KCNQ3: variants seen among roughly 807,000 people sequenced by gnomAD.
KCNQ3 encodes the protein potassium voltage-gated channel subfamily Q member 3, also known as potassium voltage-gated channel subfamily KQT member 3.
KCNQ3 carries 30 observed loss-of-function variants against 92.5 expected under a neutral mutation model. The observed-to-expected ratio is 0.32, with a 90% confidence interval of 0.24 to 0.44. KCNQ3 has a LOEUF of 0.44. Among genes scored for constraint, KCNQ3 ranks in the 20% least tolerant of loss-of-function variants. KCNQ3 has a pLI of 1.00. For synonymous variants in KCNQ3, 450 were observed against 468.8 expected (o/e 0.96, Z 0.52); for missense variants, 913 against 1,140.3 (o/e 0.80, Z 2.87).
intron 9 of KCNQ3, among the ~76,000 whole-genome samples, chr8:132,142,361 T>G (rs1825323590): frequency 6.6e-6 from 1 of 152,186 alleles, no homozygotes; most frequent in Non-Finnish European, 1.5e-5. Context: ...GTGACCTTTT[T>G]GAGCCTCAGT....
rs759859458 is a variant in KCNQ3 at position 132,129,943 on chromosome 8, G to A, written c.1938C>T (p.His646=). The change falls in exon 15 of 15, where the codon CAC becomes CAT. Residue 646 remains histidine (H), a synonymous_variant. Transcript: ENST00000388996. The surrounding 1 kb of genome is among the most constrained non-coding windows in gnomAD (Gnocchi z 5.9). The stretch of plus-strand genomic sequence containing the variant: ...TGACCTGCACCTGCAACCGTTCCAT[G>A]TGTTGCATGTGCATATCCACGAGGA... The part of the protein sequence containing the change: ...LDFLVDMHMQ[H]MERLQVQVTE... 26 of 1,613,982 alleles carry A rather than the reference G, an allele frequency of 1.6e-5. No homozygotes were observed. Among genetic ancestry groups the A allele is most frequent in the Non-Finnish European group, 2.2e-5 (26 of 1,179,862 alleles).
intron 1 of KCNQ3, among the ~76,000 whole-genome samples, chr8:132,406,288 T>A (rs1820476808): frequency 6.6e-6 from 1 of 152,088 alleles, no homozygotes; most frequent in Non-Finnish European, 1.5e-5. Context: ...TATTAGAAGG[T>A]GGGAAGGAGG....
chr8:132,218,145 A>T (rs1274342404), intron 1 of KCNQ3, among the ~76,000 whole-genome samples: 2 of 152,194 alleles, frequency 1.3e-5, no homozygotes, highest in South Asian at 2.1e-4. Flanking sequence ...CCACGGAGAA[A>T]AAAAAGCTCT....
At chr8:132,140,464 T>C (rs1825254248) in intron 10 of KCNQ3, 3 of 395,574 alleles carry the variant, frequency 7.6e-6, no homozygotes, top group East Asian at 4.9e-5. Flanking sequence ...AGTTCCAGAG[T>C]GGCCCCCAGA....
intron 1 of KCNQ3, among the ~76,000 whole-genome samples, chr8:132,327,012 A>G (rs919342875): frequency 2.0e-5 from 3 of 152,094 alleles, no homozygotes; most frequent in Admixed American, 2.0e-4. Flanking sequence ...TCATGTGTTA[A>G]CCTCCTTCAC....
intron 1 of KCNQ3, among the ~76,000 whole-genome samples, chr8:132,186,930 G>T (rs1175809553): frequency 1.9e-5 from 2 of 105,734 alleles, no homozygotes; most frequent in African/African-American, 8.8e-5. Flanking sequence ...GTGTGTGTGT[G>T]TGTGAGAGAG....
chr8:132,472,305 C>T (rs1356155140), intron 1 of KCNQ3, among the ~76,000 whole-genome samples: 2 of 152,300 alleles, frequency 1.3e-5, no homozygotes, highest in East Asian at 1.9e-4. Flanking sequence ...GAAATACCTG[C>T]ACTCTCATGT....
intron 1 of KCNQ3, among the ~76,000 whole-genome samples, chr8:132,382,742 T>C (rs1028221480): frequency 7.2e-5 from 11 of 152,028 alleles, no homozygotes; most frequent in African/African-American, 2.7e-4. Flanking sequence ...CCTTGTGAAT[T>C]GGGGAAGGGA....
chr8:132,318,251 T>A (rs1226965302), intron 1 of KCNQ3, among the ~76,000 whole-genome samples: 8 of 152,090 alleles, frequency 5.3e-5, no homozygotes, highest in Non-Finnish European at 7.4e-5. Flanking sequence ...GAAAATTGAT[T>A]TAATACATAA....
At chr8:132,141,417 C>A (rs1362800925) in intron 9 of KCNQ3, 86 bp from the exon 10 acceptor site, 2 of 1,185,164 alleles carry the variant, frequency 1.7e-6, no homozygotes, top group Admixed American at 3.6e-5. Context: ...CTCACACATT[C>A]TCCTCCAAGG....
At chr8:132,298,038 A>G (rs1817099928) in intron 1 of KCNQ3, among the ~76,000 whole-genome samples, 1 of 152,192 alleles carries the variant, frequency 6.6e-6, no homozygotes, top group African/African-American at 2.4e-5. Context: ...TTCCCTTAAG[A>G]GGCTTTGTCC....
chr8:132,298,598 G>C (rs1443634853), intron 1 of KCNQ3, among the ~76,000 whole-genome samples: 1 of 152,164 alleles, frequency 6.6e-6, no homozygotes, highest in Admixed American at 6.5e-5. Flanking sequence ...ATGTCTGTAA[G>C]ATAAGTTTAT....
intron 1 of KCNQ3, among the ~76,000 whole-genome samples, chr8:132,381,247 C>T (rs1016390320): frequency 6.6e-6 from 1 of 152,232 alleles, no homozygotes; most frequent in African/African-American, 2.4e-5. Context: ...AAGCCCAGAT[C>T]GGTCTGATAC....
chr8:132,186,646 C>T, intron 1 of KCNQ3: 1 of 302,964 alleles, frequency 3.3e-6, no homozygotes, highest in South Asian at 3.1e-5. Context: ...AAAAATTCAG[C>T]AAAGGCTTCT....
intron 1 of KCNQ3, among the ~76,000 whole-genome samples, chr8:132,371,279 C>T (rs993280064): frequency 2.0e-5 from 3 of 152,186 alleles, no homozygotes; most frequent in Non-Finnish European, 4.4e-5. Flanking sequence ...TTTCACAGGG[C>T]TCTGGTAGTT....
chr8:132,247,574 G>A (rs1815221842), intron 1 of KCNQ3, among the ~76,000 whole-genome samples: 1 of 152,036 alleles, frequency 6.6e-6, no homozygotes, highest in Non-Finnish European at 1.5e-5. Context: ...ATCACCTGAG[G>A]TCAGGAGTTT....
At chr8:132,428,635 G>C (rs1821169678) in intron 1 of KCNQ3, among the ~76,000 whole-genome samples, 1 of 151,986 alleles carries the variant, frequency 6.6e-6, no homozygotes, top group African/African-American at 2.4e-5. Flanking sequence ...TCTTTTATTA[G>C]GTTTTAAAAA....
intron 14 of KCNQ3, 80 bp downstream of exon 14, chr8:132,132,098 AAG>A: frequency 6.0e-6 from 6 of 1,001,392 alleles, no homozygotes; most frequent in Non-Finnish European, 9.4e-6. Flanking sequence ...AAAAAAAAAA[AAG>A]AAAGAAAGAA....
At chr8:132,170,253 C>T in intron 8 of KCNQ3, 81 bp downstream of exon 8, 2 of 991,306 alleles carry the variant, frequency 2.0e-6, no homozygotes, top group East Asian at 2.4e-5. Flanking sequence ...CTCCAGGGAC[C>T]CGTGAGGCCA....
Sources: gnomAD v4.1 joint callset for allele counts (sites outside exome capture counted in the v4.1 genomes callset) on GRCh38, gnomAD v4.1.1 for gene constraint, Gnocchi (gnomAD v3.1) non-coding constraint, MANE v1.5 for transcripts, NCBI Gene and HGNC (gene_info 2026-07-23, HGNC 2026-07-21) for gene names.